The following RPL23 variants were observed in gnomAD, a reference collection of about 807,000 sequenced individuals.
RPL23 encodes the protein large ribosomal subunit protein uL14.
For synonymous variants in RPL23, 63 were observed against 65.3 expected (o/e 0.97, Z 0.17); for missense variants, 79 against 178.8 (o/e 0.44, Z 3.18).
intron 3 of RPL23, 103 bp from the exon 4 acceptor site, chr17:38,850,578 A>G: frequency 1.3e-6 from 1 of 753,730 alleles, no homozygotes. Context: ...CGTTTGAGAC[A>G]GTGACAGTGT....
At chr17:38,850,275 G>T in intron 4 of RPL23, 61 bp from the exon 5 acceptor site, 1 of 1,550,594 alleles carries the variant, frequency 6.4e-7, no homozygotes, top group Non-Finnish European at 8.8e-7. Flanking sequence ...TTAAGACATC[G>T]TCAAACACAG....
intron 1 of RPL23, chr17:38,853,381 T>C (rs1598093839): frequency 1.4e-6 from 1 of 707,416 alleles, no homozygotes; most frequent in South Asian, 1.5e-5. Context: ...CAATTACTCC[T>C]GCAAGGCATA....
chr17:38,852,599 C>T lies in RPL23; in HGVS notation c.226+5G>A, dbSNP rs1404823204. 2 of 1,612,186 alleles carry T rather than the reference C, an allele frequency of 1.2e-6. No individual in the cohort carries two copies. The highest frequency in any genetic ancestry group is 2.2e-5 in the South Asian group (2 of 91,002). On this transcript the variant is annotated splice_donor_5th_base_variant and intron_variant, in intron 3 of 4. Coordinates refer to ENST00000479035, the MANE Select transcript of RPL23 (RefSeq NM_000978.4). ...AGTATTAAGGTGGGCTCAGTGTTTA[C>T]TCACCCTTTTTTCTGAGCTCTGGTT...
At chr17:38,853,412 A>C in intron 1 of RPL23, 1 of 714,472 alleles carries the variant, frequency 1.4e-6, no homozygotes, top group Non-Finnish European at 2.6e-6. Context: ...GGTCGCGCAA[A>C]CCAGGGCCTA....
In RPL23 at chr17:38,852,701, C is replaced by T; in HGVS notation, c.129G>A (p.Lys43=). 1 of 1,614,134 alleles carries T rather than the reference C, an allele frequency of 6.2e-7. No homozygotes were observed. The highest frequency in any genetic ancestry group is 1.1e-5 in the South Asian group (1 of 91,082). Residue 43 remains lysine (K), a synonymous_variant, in exon 3 of 5, where the codon AAG becomes AAA. Transcript: ENST00000479035. ...GTCTGTTCAGCCGTCCCTTGATCCC[C>T]TTCACGGAGATGATATACAGGTTTT... is the stretch of plus-strand genomic sequence containing the variant. ...GAKNLYIISV[K]GIKGRLNRLP...
At chr17:38,853,144 C>T in intron 1 of RPL23, 39 bp from the exon 2 acceptor site, 1 of 1,513,416 alleles carries the variant, frequency 6.6e-7, no homozygotes. Flanking sequence ...ATAAAGAGAT[C>T]ACAATCTAGA....
intron 1 of RPL23, chr17:38,853,364 C>A: frequency 1.4e-6 from 1 of 697,830 alleles, no homozygotes; most frequent in Non-Finnish European, 2.7e-6. Context: ...CTAACTTTCG[C>A]AAAACGCAAT....
chr17:38,851,021 CTTTG>C (rs1912986615), intron 3 of RPL23: 1 of 152,412 alleles, frequency 6.6e-6, no homozygotes, highest in Non-Finnish European at 1.5e-5. Flanking sequence ...AAGCACCAGG[CTTTG>C]TTTTACTTTT....
At chr17:38,853,162 C>T (rs2143683228) in intron 1 of RPL23, 57 bp from the exon 2 acceptor site, 2 of 1,349,642 alleles carry the variant, frequency 1.5e-6, no homozygotes. Context: ...AGACATGGTT[C>T]GGAGTTCCCC....
At position 38,848,864 on chromosome 17, in the gene RPL23, C is replaced by T. The variant is rs2143674060; in HGVS notation, c.*1268G>A. 6.6e-6 allele frequency: 1 copy of T among 152,150 alleles called. No homozygotes were observed. The highest frequency in any genetic ancestry group is 2.0e-4 in the East Asian group (1 of 5,094). The allele number at this position is 152,150 out of a possible 1,614,324, so 9.4% of individuals were successfully genotyped here. A position where few individuals can be genotyped will look rare whatever the true frequency, so the allele number is the denominator to read the frequency against. Reference sequence around the variant, plus strand: ...GTATTTGCAGATACAGATACATAAACACAAACCTTAATCTAAAAACCCTGT... The same window carrying T: ...GTATTTGCAGATACAGATACATAAATACAAACCTTAATCTAAAAACCCTGT... On this transcript the variant is annotated 3_prime_UTR_variant, in exon 5 of 5. Coordinates refer to ENST00000479035, the MANE Select transcript of RPL23 (RefSeq NM_000978.4).
Position 38,852,695 on chromosome 17 carries a change from G to T in RPL23, c.135C>A (p.Ile45=). 2 of 1,614,074 alleles carry T rather than the reference G, an allele frequency of 1.2e-6. No individual in the cohort carries two copies. Among genetic ancestry groups the T allele is most frequent in the Non-Finnish European group, 1.7e-6 (2 of 1,180,042 alleles). ...CGGGAAGTCTGTTCAGCCGTCCCTT[G>T]ATCCCCTTCACGGAGATGATATACA... ...KNLYIISVKG[I]KGRLNRLPAA... The change falls in exon 3 of 5, where the codon ATC becomes ATA. Residue 45 remains isoleucine (I), a synonymous_variant. Transcript: ENST00000479035.
Position 38,850,222 on chromosome 17 carries a change from A to G in RPL23, c.341-8T>C, listed in dbSNP as rs1053888949. 3.8e-6 allele frequency: 6 copies of G among 1,583,256 alleles called. No homozygotes were observed. In the Admixed American group the frequency reaches 9.1e-5, roughly 24 times the overall value. On this transcript the variant is annotated splice_polypyrimidine_tract_variant and splice_region_variant and intron_variant, in intron 4 of 4. Coordinates refer to ENST00000479035, the MANE Select transcript of RPL23 (RefSeq NM_000978.4). ...GTCCTGTAATGGCAGAACCTGCATT[A>G]AAAAAATAAAATAAAATAAAATAAA...
chr17:38,852,433 A>G (rs1444775995), intron 3 of RPL23, 171 bp downstream of exon 3: 2 of 735,042 alleles, frequency 2.7e-6, no homozygotes, highest in Non-Finnish European at 4.5e-6. Context: ...GGAAGTGACA[A>G]GATGATGGTC....
At chr17:38,852,912 C>G in intron 2 of RPL23, 110 bp downstream of exon 2, 1 of 1,378,332 alleles carries the variant, frequency 7.3e-7, no homozygotes, top group Non-Finnish European at 1.0e-6. Flanking sequence ...CCACTTCACC[C>G]AAAAGCGATG....
At chr17:38,853,676 T>C (rs1237474368) in intron 1 of RPL23, 22 bp downstream of exon 1, 1 of 1,613,700 alleles carries the variant, frequency 6.2e-7, no homozygotes, top group Non-Finnish European at 8.5e-7. Context: ...TGGTGGAGGA[T>C]CCTCCAGAAA....
At position 38,852,392 on chromosome 17, in the gene RPL23, A is replaced by G. The variant is rs900479217; in HGVS notation, c.226+212T>C. ...CTCAAAAAACAAAACAAAACAAAAC[A>G]AAAACAACAACAAAAAAACAACTAA... On this transcript the variant is annotated intron_variant, in intron 3 of 4. Coordinates refer to ENST00000479035, the MANE Select transcript of RPL23 (RefSeq NM_000978.4). 6 of 584,054 alleles carry G rather than the reference A, an allele frequency of 1.0e-5. No homozygotes were observed. In the African/African-American group the frequency reaches 1.1e-4, roughly 11 times the overall value. The allele number at this position is 584,054 out of a possible 1,614,324, so 36.2% of individuals were successfully genotyped here.
In RPL23 at chr17:38,847,922, A is replaced by ACC; in HGVS notation, c.*2209_*2210insGG. ...AAAAATCTCCAAAGAATAAAATGTG[A>ACC]GGTGGGATGCAGTGGCTCACACTTG... On this transcript the variant is annotated 3_prime_UTR_variant, in exon 5 of 5. Coordinates refer to ENST00000479035, the MANE Select transcript of RPL23 (RefSeq NM_000978.4). The ACC allele has an allele frequency of 1.3e-6, 2 of 1,518,106 alleles. No individual in the cohort carries two copies. Among genetic ancestry groups the ACC allele is most frequent in the Non-Finnish European group, 1.8e-6 (2 of 1,135,518 alleles). 94.0% of individuals were successfully genotyped at this position (1,518,106 alleles called of 1,614,324 possible). A position where few individuals can be genotyped will look rare whatever the true frequency, so the allele number is the denominator to read the frequency against.
chr17:38,850,292 C>T (rs757999315), intron 4 of RPL23, 70 bp downstream of exon 4: 7 of 1,552,196 alleles, frequency 4.5e-6, no homozygotes, highest in African/African-American at 1.4e-5. Context: ...ACAGAAGATC[C>T]TTGGCCTGTA....
chr17:38,850,660 A>C, intron 3 of RPL23, 185 bp from the exon 4 acceptor site: 1 of 501,622 alleles, frequency 2.0e-6, no homozygotes. Flanking sequence ...GCACACTACC[A>C]TGCCCAGATT....
Sources: allele counts gnomAD v4.1 joint callset, GRCh38; gene constraint gnomAD v4.1.1; transcripts MANE v1.5; gene names NCBI Gene and HGNC (gene_info 2026-07-23, HGNC 2026-07-21).